Variants in MDGA1 observed in about 807,000 individuals in gnomAD.
MDGA1 encodes MAM domain-containing glycosylphosphatidylinositol anchor protein 1.
Under a neutral mutation model 101.5 loss-of-function variants are expected in MDGA1, and 54 were observed. That is an observed-to-expected ratio of 0.53 (90% CI 0.43 to 0.67). The LOEUF is 0.67. MDGA1 is among the 30% of genes least tolerant of loss of function. The pLI, the probability that MDGA1 is intolerant of heterozygous loss-of-function variation, is 0.00. For synonymous variants in MDGA1, 533 were observed against 558.3 expected, an observed-to-expected ratio of 0.95 and a Z score of 0.64; for missense variants, 1,083 against 1,323.8, an observed-to-expected ratio of 0.82 and a Z score of 2.82.
At chr6:37,645,795 G>C in intron 12 of MDGA1, 138 bp downstream of exon 12, 1 of 1,015,632 alleles carries the variant, frequency 9.8e-7, no homozygotes, top group Non-Finnish European at 1.5e-6. Flanking sequence ...CTAGCCTCTG[G>C]CCCTACCCCA....
rs1378734144 is a variant in MDGA1 at position 37,696,822 on chromosome 6, G to A, written c.-11C>T. 3 of 1,564,434 alleles carry A rather than the reference G, an allele frequency of 1.9e-6. No individual in the cohort carries two copies. The highest frequency in any genetic ancestry group is 1.8e-4 in the Middle Eastern group (1 of 5,544). On this transcript the variant is annotated 5_prime_UTR_variant, in exon 1 of 17. Coordinates refer to ENST00000434837, the MANE Select transcript of MDGA1 (RefSeq NM_153487.4). The surrounding 1 kb of genome is among the most constrained non-coding windows in gnomAD (Gnocchi z 5.6). The stretch of plus-strand genomic sequence containing the variant: ...GCAGGTCACCTCCATCTTCACGGCC[G>A]GTGCTTCATCCCCGCGAGGCGGCGC...
chr6:37,642,179 C>CTTTTTT (rs34171567), intron 14 of MDGA1, among the ~76,000 whole-genome samples: 1 of 109,346 alleles, frequency 9.1e-6, no homozygotes. Context: ...TGGTTTCTTT[C>CTTTTTT]TTTTTTTTTT....
In MDGA1 at chr6:37,658,356, C is replaced by T. The variant is rs866272284; in HGVS notation, c.271G>A (p.Glu91Lys). The part of the protein sequence containing the change: ...DKFQETSVFN[E>K]TLRIERIART... ...GCAATACGCTCGATGCGCAGCGTCTCGTTGAACACCGATGTCTCCTGGAAC... is the reference window on the plus strand; with the variant it reads ...GCAATACGCTCGATGCGCAGCGTCTTGTTGAACACCGATGTCTCCTGGAAC... The change falls in exon 3 of 17, where the codon GAG (glutamate) becomes AAG (lysine). Residue 91 changes from glutamate to lysine, a missense_variant. By Grantham distance (56) the Glu-to-Lys change is moderately conservative. Transcript: ENST00000434837. 3 of 1,613,012 alleles carry T rather than the reference C, an allele frequency of 1.9e-6. No individual in the cohort carries two copies. Among genetic ancestry groups the T allele is most frequent in the African/African-American group, 1.3e-5 (1 of 74,932 alleles).
At chr6:37,667,735 T>C (rs1160071353) in intron 1 of MDGA1, among the ~76,000 whole-genome samples, 1 of 152,206 alleles carries the variant, frequency 6.6e-6, no homozygotes, top group East Asian at 1.9e-4. Flanking sequence ...TTGGACACTG[T>C]GGCTTGCCTG....
chr6:37,647,153 C>T lies in MDGA1; in HGVS notation c.2046+20G>A, dbSNP rs1387287420. 1.3e-6 allele frequency: 2 copies of T among 1,583,250 alleles called. No homozygotes were observed. The highest frequency in any genetic ancestry group is 1.3e-5 in the African/African-American group (1 of 74,556). ...ACCACACTCCACCTGCCCCCAGGCCCCCGCTCCCCCTTGGCCCACCTGGCG... is the reference window on the plus strand; with the variant it reads ...ACCACACTCCACCTGCCCCCAGGCCTCCGCTCCCCCTTGGCCCACCTGGCG... On this transcript the variant is annotated intron_variant, in intron 10 of 16. Coordinates refer to ENST00000434837, the MANE Select transcript of MDGA1 (RefSeq NM_153487.4).
At chr6:37,645,980 AAGTCAGAACTG>A in intron 11 of MDGA1, 24 bp from the exon 12 acceptor site, 1 of 1,613,962 alleles carries the variant, frequency 6.2e-7, no homozygotes, top group Non-Finnish European at 8.5e-7. Flanking sequence ...CGGGGAAACC[AAGTCAGAACTG>A]AGGTGTGGGG....
intron 1 of MDGA1, among the ~76,000 whole-genome samples, chr6:37,670,257 A>G (rs1211175893): frequency 6.6e-6 from 1 of 152,240 alleles, no homozygotes; most frequent in East Asian, 1.9e-4. Flanking sequence ...ATGATGAAAT[A>G]GGAGCAAGAG....
At chr6:37,653,542 A>G (rs908037870) in intron 6 of MDGA1, among the ~76,000 whole-genome samples, 15 of 152,236 alleles carry the variant, frequency 9.9e-5, no homozygotes, top group African/African-American at 3.6e-4. Context: ...CCAAACAGGG[A>G]GTGTATATTC....
At chr6:37,677,633 G>A (rs1308984455) in intron 1 of MDGA1, among the ~76,000 whole-genome samples, 1 of 152,140 alleles carries the variant, frequency 6.6e-6, no homozygotes, top group African/African-American at 2.4e-5. Flanking sequence ...TATGGGCAGG[G>A]AGTTTAGAAT....
rs1581835437 is a variant in MDGA1, at chr6:37,635,592, A to G, written c.*1776T>C. The G allele has an allele frequency of 2.5e-6, 1 of 398,490 alleles. No homozygotes were observed. The highest frequency in any genetic ancestry group is 4.4e-6 in the Non-Finnish European group (1 of 226,056). The allele number at this position is 398,490 out of a possible 1,614,324, so 24.7% of individuals were successfully genotyped here. Reference sequence around the variant, plus strand: ...ATGATCACACAGGCCTGGCAGGGGGAGATGGGCAGCCTTTGCCTCGGTTCC... The same window carrying G: ...ATGATCACACAGGCCTGGCAGGGGGGGATGGGCAGCCTTTGCCTCGGTTCC... On this transcript the variant is annotated 3_prime_UTR_variant, in exon 17 of 17. Transcript: ENST00000434837.
At chr6:37,640,910 G>A (rs1275713932) in intron 14 of MDGA1, among the ~76,000 whole-genome samples, 2 of 152,174 alleles carry the variant, frequency 1.3e-5, no homozygotes, top group Non-Finnish European at 2.9e-5. Context: ...TGGGGCTTGG[G>A]CCCTGTGAAA....
intron 3 of MDGA1, among the ~76,000 whole-genome samples, chr6:37,657,936 C>G (rs988096437): frequency 5.3e-5 from 8 of 152,176 alleles, no homozygotes; most frequent in African/African-American, 1.9e-4. Context: ...CTGAGGCTAC[C>G]CCGCTCCATG....
chr6:37,677,790 G>A (rs1166094900), intron 1 of MDGA1, among the ~76,000 whole-genome samples: 1 of 152,196 alleles, frequency 6.6e-6, no homozygotes, highest in Non-Finnish European at 1.5e-5. Context: ...GCACAGAAAG[G>A]GAGGGAAGGA....
At chr6:37,675,409 C>T (rs1761958528) in intron 1 of MDGA1, among the ~76,000 whole-genome samples, 1 of 152,154 alleles carries the variant, frequency 6.6e-6, no homozygotes, top group Admixed American at 6.5e-5. Flanking sequence ...TTGTACTCAG[C>T]AGGTACTTAA....
At chr6:37,681,785 G>A (rs989616667) in intron 1 of MDGA1, among the ~76,000 whole-genome samples, 1 of 152,022 alleles carries the variant, frequency 6.6e-6, no homozygotes, top group East Asian at 1.9e-4. Flanking sequence ...CAACAGAAGA[G>A]GAGGAGGGGA....
At chr6:37,689,111 C>A (rs1425691966) in intron 1 of MDGA1, among the ~76,000 whole-genome samples, 1 of 152,070 alleles carries the variant, frequency 6.6e-6, no homozygotes, top group Non-Finnish European at 1.5e-5. Context: ...GGCCCTTTCT[C>A]ATTCCTCCTC....
intron 1 of MDGA1, among the ~76,000 whole-genome samples, chr6:37,692,294 G>A (rs1034278072): frequency 2.0e-5 from 3 of 152,284 alleles, no homozygotes; most frequent in African/African-American, 7.2e-5. Flanking sequence ...TCAGATGTCC[G>A]GAGGTGGGAG....
At position 37,631,141 on chromosome 6, in the gene MDGA1, C is replaced by T. The variant is rs990697256; in HGVS notation, c.*6227G>A. 5 of 152,128 alleles carry T rather than the reference C, an allele frequency of 3.3e-5. No individual in the cohort carries two copies. The highest frequency in any genetic ancestry group is 1.2e-4 in the African/African-American group (5 of 41,410). 9.4% of individuals were successfully genotyped at this position (152,128 alleles called of 1,614,324 possible). A position where few individuals can be genotyped will look rare whatever the true frequency, so the allele number is the denominator to read the frequency against. On this transcript the variant is annotated 3_prime_UTR_variant, in exon 17 of 17. Coordinates refer to ENST00000434837, the MANE Select transcript of MDGA1 (RefSeq NM_153487.4). Reference sequence around the variant, plus strand: ...GAAGCACCAGAAGAATACAGAAGCACCAGAAACTTCTGTAGATGATGATCC... The same window carrying T: ...GAAGCACCAGAAGAATACAGAAGCATCAGAAACTTCTGTAGATGATGATCC...
intron 1 of MDGA1, among the ~76,000 whole-genome samples, chr6:37,664,721 T>G (rs1761705904): frequency 6.6e-6 from 1 of 150,642 alleles, no homozygotes; most frequent in African/African-American, 2.4e-5. Context: ...CATCTTTGCT[T>G]GGCTGCCTCA....
Sources: gnomAD v4.1 joint callset for allele counts (sites outside exome capture counted in the v4.1 genomes callset) on GRCh38, gnomAD v4.1.1 for gene constraint, Gnocchi (gnomAD v3.1) non-coding constraint, MANE v1.5 for transcripts, NCBI Gene and HGNC (gene_info 2026-07-23, HGNC 2026-07-21) for gene names.